RPS6KC1: variants seen among roughly 807,000 people sequenced by gnomAD.
The protein encoded by RPS6KC1 is ribosomal protein S6 kinase C1, also known as inactive ribosomal protein S6 kinase delta-1.
A neutral mutation model predicts 103.8 loss-of-function variants in RPS6KC1; 54 were observed. That is an observed-to-expected ratio of 0.52 (90% CI 0.42 to 0.65). The LOEUF (loss-of-function observed/expected upper bound fraction) is 0.65. RPS6KC1 is among the 30% of genes least tolerant of loss of function. RPS6KC1 has a pLI of 0.00. For synonymous variants in RPS6KC1, 439 were observed against 438.7 expected (o/e 1.00, Z -0.01); for missense variants, 1,151 against 1,253.8 (o/e 0.92, Z 1.24).
chr1:213,713,289 C>T, the RPS6KC1 span, among the ~76,000 whole-genome samples: 5 of 152,256 alleles, frequency 3.3e-5, no homozygotes, highest in East Asian at 1.9e-4. Flanking sequence ...TCCCTGAGTT[C>T]GGCCAGCTCA....
At chr1:213,804,669 C>A in the RPS6KC1 span, among the ~76,000 whole-genome samples, 2 of 152,222 alleles carry the variant, frequency 1.3e-5, no homozygotes, top group Non-Finnish European at 1.5e-5. Context: ...CTATCTCCCC[C>A]AGTAGAACTT....
At chr1:213,468,053 A>G in the RPS6KC1 span, among the ~76,000 whole-genome samples, 1 of 152,230 alleles carries the variant, frequency 6.6e-6, no homozygotes, top group Non-Finnish European at 1.5e-5. Flanking sequence ...CTAACGGGTG[A>G]AAGTCCTTTT....
At chr1:213,340,071 T>C in the RPS6KC1 span, among the ~76,000 whole-genome samples, 1 of 152,148 alleles carries the variant, frequency 6.6e-6, no homozygotes, top group African/African-American at 2.4e-5. Flanking sequence ...TTTTTGTATT[T>C]TTAGTAGAGA....
chr1:213,483,109 A>G, the RPS6KC1 span, among the ~76,000 whole-genome samples: 1 of 152,180 alleles, frequency 6.6e-6, no homozygotes, highest in Non-Finnish European at 1.5e-5. Flanking sequence ...AGTTACAATC[A>G]TGGTGGAAGG....
the RPS6KC1 span, among the ~76,000 whole-genome samples, chr1:213,477,136 C>T: frequency 6.6e-6 from 1 of 152,196 alleles, no homozygotes; most frequent in South Asian, 2.1e-4. Flanking sequence ...GTGGCTGCCT[C>T]ACCTGTTCCT....
intron 5 of RPS6KC1, among the ~76,000 whole-genome samples, chr1:213,118,028 A>C (rs2083889988): frequency 6.8e-6 from 1 of 147,404 alleles, no homozygotes. Context: ...TCTCAAAAAA[A>C]AAAAAAAAAA....
intron 2 of RPS6KC1, among the ~76,000 whole-genome samples, chr1:213,074,656 T>C (rs1217373968): frequency 6.6e-6 from 1 of 151,874 alleles, no homozygotes; most frequent in Non-Finnish European, 1.5e-5. Context: ...AGAAGGAATA[T>C]AGGATTGAAT....
the RPS6KC1 span, among the ~76,000 whole-genome samples, chr1:213,657,066 G>A: frequency 6.6e-6 from 1 of 152,148 alleles, no homozygotes; most frequent in Non-Finnish European, 1.5e-5. Context: ...AGTTGGAAAT[G>A]AAAAGTATTC....
At chr1:213,756,070 C>G in the RPS6KC1 span, among the ~76,000 whole-genome samples, 1 of 152,188 alleles carries the variant, frequency 6.6e-6, no homozygotes, top group Non-Finnish European at 1.5e-5. Flanking sequence ...ACTGCAAGGC[C>G]CTAAGGCTGT....
the RPS6KC1 span, among the ~76,000 whole-genome samples, chr1:213,292,848 A>G: frequency 3.3e-5 from 5 of 152,214 alleles, no homozygotes; most frequent in East Asian, 1.9e-4. Flanking sequence ...TCTCTGGCCA[A>G]TGAGGGCTCC....
At chr1:213,057,469 T>A (rs1410106212) in intron 1 of RPS6KC1, among the ~76,000 whole-genome samples, 1 of 152,226 alleles carries the variant, frequency 6.6e-6, no homozygotes, top group South Asian at 2.1e-4. Context: ...TTCATCATCC[T>A]AAAAAAACTC....
At chr1:213,795,811 C>G in the RPS6KC1 span, among the ~76,000 whole-genome samples, 3 of 152,130 alleles carry the variant, frequency 2.0e-5, no homozygotes, top group South Asian at 2.1e-4. Flanking sequence ...CCCAAATTCT[C>G]TGCCCCGCTG....
chr1:213,571,973 C>T, the RPS6KC1 span, among the ~76,000 whole-genome samples: 35 of 152,332 alleles, frequency 2.3e-4, no homozygotes, highest in East Asian at 9.6e-4. Context: ...TAGATTCACA[C>T]GGCCTTGGGA....
chr1:213,339,251 A>G, the RPS6KC1 span, among the ~76,000 whole-genome samples: 4 of 152,168 alleles, frequency 2.6e-5, no homozygotes, highest in Non-Finnish European at 5.9e-5. Flanking sequence ...GGGCAACAAG[A>G]GCGAAACTCT....
the RPS6KC1 span, among the ~76,000 whole-genome samples, chr1:213,593,793 G>T: frequency 6.6e-6 from 1 of 152,296 alleles, no homozygotes; most frequent in Admixed American, 6.5e-5. Context: ...TGCATGCCCC[G>T]ATACAATGGC....
At chr1:213,653,829 T>G in the RPS6KC1 span, among the ~76,000 whole-genome samples, 3 of 152,364 alleles carry the variant, frequency 2.0e-5, no homozygotes, top group African/African-American at 7.2e-5. Context: ...ATCTGCATTT[T>G]CACATTTTCC....
chr1:213,585,520 A>G, the RPS6KC1 span, among the ~76,000 whole-genome samples: 2 of 152,312 alleles, frequency 1.3e-5, no homozygotes, highest in Non-Finnish European at 2.9e-5. Flanking sequence ...CAAATAACAC[A>G]AAAGCAACTC....
At chr1:213,232,297 A>C (rs757233673) in intron 10 of RPS6KC1, 42 bp downstream of exon 10, 1 of 1,611,580 alleles carries the variant, frequency 6.2e-7, no homozygotes, top group Non-Finnish European at 8.5e-7. Flanking sequence ...GAAGAATGTC[A>C]CCTACTTAGC....
intron 4 of RPS6KC1, 29 bp downstream of exon 4, chr1:213,104,598 A>G (rs781485105): frequency 8.3e-7 from 1 of 1,206,150 alleles, no homozygotes; most frequent in Non-Finnish European, 1.2e-6. Context: ...AATATTTTAT[A>G]TCTTATTAAA....
Sources: gnomAD v4.1 joint callset for allele counts (sites outside exome capture counted in the v4.1 genomes callset) on GRCh38, gnomAD v4.1.1 for gene constraint, MANE v1.5 for transcripts, NCBI Gene and HGNC (gene_info 2026-07-23, HGNC 2026-07-21) for gene names.